The following ANXA4 variants were observed in gnomAD, a reference collection of about 807,000 sequenced individuals.
ANXA4 encodes the protein 35-beta calcimedin.
In ANXA4, 39 loss-of-function variants were observed where a neutral mutation model predicts 49.8. The ratio of observed to expected loss-of-function variants is 0.78; its 90% confidence interval spans 0.61 to 1.02. The LOEUF (loss-of-function observed/expected upper bound fraction) is 1.02. Among genes scored for constraint, ANXA4 ranks in the 50% least tolerant of loss-of-function variants. The pLI, the probability that ANXA4 is intolerant of heterozygous loss-of-function variation, is 0.00. For synonymous variants in ANXA4, 134 were observed against 152.5 expected (o/e 0.88, Z 0.89); for missense variants, 360 against 410.1 (o/e 0.88, Z 1.05).
chr2:69,803,964 C>T (rs1673326593), intron 3 of ANXA4, among the ~76,000 whole-genome samples: 1 of 151,736 alleles, frequency 6.6e-6, no homozygotes, highest in South Asian at 2.1e-4. Context: ...ATAGTGAAAC[C>T]CTGTCTCTAC....
rs149943212 is a variant in ANXA4 at position 69,672,406 on chromosome 2, A to G, written n.766+19124A>G. Among the ~76,000 whole-genome samples, 885 of 151,772 alleles carry G rather than the reference A, an allele frequency of 5.8e-3. 11 individuals carry two copies. The highest frequency in any genetic ancestry group is 0.019 in the African/African-American group (782 of 41,358). ...GCCACCACACCCAACTAATTTTTGT[A>G]TTTTTAGTAGAGATGGGGTTTTGCC... On this transcript the variant is annotated intron_variant and non_coding_transcript_variant, in intron 2 of 3. Transcript: ENST00000418066.
chr2:69,765,480 C>T (rs1559162217), intron 1 of ANXA4, among the ~76,000 whole-genome samples: 1 of 152,066 alleles, frequency 6.6e-6, no homozygotes, highest in Non-Finnish European at 1.5e-5. Flanking sequence ...TATCCGGGTA[C>T]ACTACCCCAA....
At chr2:69,785,095 C>T (rs750189931) in intron 2 of ANXA4, among the ~76,000 whole-genome samples, 1 of 152,200 alleles carries the variant, frequency 6.6e-6, no homozygotes, top group Non-Finnish European at 1.5e-5. Flanking sequence ...CGATGTCATA[C>T]ATGTCTACCT....
In ANXA4 at chr2:69,812,661, G is replaced by A. The variant is rs1449402884; in HGVS notation, c.486G>A (p.Arg162=). 1 of 1,613,868 alleles carries A rather than the reference G, an allele frequency of 6.2e-7. No homozygotes were observed. Residue 162 remains arginine, a synonymous_variant, in exon 8 of 13, where the codon AGG becomes AGA. Coordinates refer to ENST00000394295, the MANE Select transcript of ANXA4 (RefSeq NM_001153.5). ...RVLVSLSAGG[R]DEGNYLDDAL... is the part of the protein sequence containing the mutation. ...GTTTTTCTCATCCTCAGGGTGGGAG[G>A]GATGAAGGAAATTATCTGGACGATG...
intron 2 of ANXA4, among the ~76,000 whole-genome samples, chr2:69,692,051 AATTTTTGT>A (rs1181147285): frequency 6.6e-6 from 1 of 152,068 alleles, no homozygotes; most frequent in Non-Finnish European, 1.5e-5. Flanking sequence ...ATACCTGGCT[AATTTTTGT>A]ATTTTTGTAG....
At chr2:69,689,848 C>T (rs545444341) in intron 2 of ANXA4, among the ~76,000 whole-genome samples, 1 of 152,254 alleles carries the variant, frequency 6.6e-6, no homozygotes, top group Middle Eastern at 3.4e-3. Flanking sequence ...AGTGTGACTT[C>T]TATCCCAGTC....
At chr2:69,672,807 CAATT>C (rs1332820286) in intron 2 of ANXA4, among the ~76,000 whole-genome samples, 2 of 151,476 alleles carry the variant, frequency 1.3e-5, no homozygotes, top group African/African-American at 2.4e-5. Context: ...AGACCTGAAA[CAATT>C]AAGGGAACAC....
intron 2 of ANXA4, among the ~76,000 whole-genome samples, chr2:69,675,717 C>T (rs1383641082): frequency 1.3e-5 from 2 of 152,064 alleles, no homozygotes; most frequent in Non-Finnish European, 2.9e-5. Flanking sequence ...TTCACAGCAA[C>T]GTGAACGTAT....
intron 1 of ANXA4, among the ~76,000 whole-genome samples, chr2:69,650,655 T>C (rs1479377256): frequency 6.6e-6 from 1 of 152,134 alleles, no homozygotes; most frequent in Non-Finnish European, 1.5e-5. Context: ...GGTGTTTCTA[T>C]GTTGCCTAGT....
At chr2:69,797,341 T>G (rs1032218377) in intron 3 of ANXA4, among the ~76,000 whole-genome samples, 1 of 152,158 alleles carries the variant, frequency 6.6e-6, no homozygotes, top group African/African-American at 2.4e-5. Flanking sequence ...GTTGCAGGTG[T>G]GACCCCCAAG....
At chr2:69,762,201 T>C (rs539590756) in intron 1 of ANXA4, among the ~76,000 whole-genome samples, 4 of 152,174 alleles carry the variant, frequency 2.6e-5, no homozygotes, top group Non-Finnish European at 4.4e-5. Context: ...TGGCACCATA[T>C]TGGGGTATAG....
At chr2:69,786,878 T>C (rs887877928) in intron 2 of ANXA4, among the ~76,000 whole-genome samples, 1 of 151,858 alleles carries the variant, frequency 6.6e-6, no homozygotes, top group Non-Finnish European at 1.5e-5. Context: ...TGTGCCACCA[T>C]GTGTAGCTAA....
intron 1 of ANXA4, among the ~76,000 whole-genome samples, chr2:69,649,701 T>G (rs753116277): frequency 7.1e-6 from 1 of 141,526 alleles, no homozygotes; most frequent in Non-Finnish European, 1.5e-5. Context: ...AGCCTCGACC[T>G]CCTGGGCTCA....
chr2:69,816,766 C>T (rs1249100659), intron 9 of ANXA4: 2 of 152,226 alleles, frequency 1.3e-5, no homozygotes, highest in Admixed American at 1.3e-4. Flanking sequence ...CTGTCAGGTT[C>T]ATATTCTTTT....
intron 1 of ANXA4, among the ~76,000 whole-genome samples, chr2:69,753,635 C>T (rs939735741): frequency 7.9e-5 from 12 of 152,190 alleles, no homozygotes; most frequent in Admixed American, 4.6e-4. Flanking sequence ...AACTTCAAAG[C>T]GTCTTAGCAG....
upstream of ANXA4, among the ~76,000 whole-genome samples, chr2:69,737,339 T>G (rs188337916): frequency 7.9e-5 from 12 of 152,296 alleles, no homozygotes; most frequent in African/African-American, 2.4e-4. Context: ...ATGTGGAAAT[T>G]CATGCTCTTT....
At chr2:69,766,040 A>G (rs930849029) in intron 1 of ANXA4, among the ~76,000 whole-genome samples, 1 of 152,232 alleles carries the variant, frequency 6.6e-6, no homozygotes, top group Non-Finnish European at 1.5e-5. Flanking sequence ...GAGAGGGAAG[A>G]TGCTGCCTTA....
intron 2 of ANXA4, among the ~76,000 whole-genome samples, chr2:69,678,347 T>A (rs115510579): frequency 6.6e-6 from 1 of 151,526 alleles, no homozygotes; most frequent in Admixed American, 6.6e-5. Context: ...ATTGCTTTTT[T>A]TTTTCAGAAG....
At chr2:69,663,337 A>G (rs1416843304) in intron 2 of ANXA4, among the ~76,000 whole-genome samples, 1 of 118,722 alleles carries the variant, frequency 8.4e-6, no homozygotes, top group Non-Finnish European at 1.6e-5. Flanking sequence ...TGCTAAATAT[A>G]GCACACTTAC....
Sources: allele counts gnomAD v4.1 joint callset (sites outside exome capture counted in the v4.1 genomes callset), GRCh38; gene constraint gnomAD v4.1.1; transcripts MANE v1.5; gene names NCBI Gene and HGNC (gene_info 2026-07-23, HGNC 2026-07-21).